The following GRIK2 variants were observed in gnomAD, a reference collection of about 807,000 sequenced individuals.
The protein encoded by GRIK2 is glutamate ionotropic receptor kainate type subunit 2.
GRIK2 carries 32 observed loss-of-function variants against 100.3 expected under a neutral mutation model. The ratio of observed to expected loss-of-function variants is 0.32; its 90% CI spans 0.24 to 0.43. GRIK2 has a LOEUF of 0.43. Among genes scored for constraint, GRIK2 ranks in the 20% least tolerant of loss-of-function variants. The probability of loss-of-function intolerance (pLI) is 1.00; values close to 1 mark genes in which losing one functional copy is unlikely to be tolerated. For synonymous variants in GRIK2, 417 were observed against 389.4 expected, an observed-to-expected ratio of 1.07 and a Z score of -0.83; for missense variants, 843 against 1,114.9, an observed-to-expected ratio of 0.76 and a Z score of 3.47.
In GRIK2 at chr6:101,929,229, C is replaced by A. The variant is rs541995617; in HGVS notation, c.2085+597C>A. Among the ~76,000 whole-genome samples the A allele has an allele frequency of 2.0e-5, 3 of 152,236 alleles. No individual in the cohort carries two copies. The East Asian group carries it at 5.8e-4, about 30-fold the overall frequency. On this transcript the variant is annotated intron_variant, in intron 14 of 16. Transcript: ENST00000369134. ...AAGTGTGCTTGTAAAAAGTTTCTGTCATATAGAGTGCCTTGCCCTCGTCTA... is the reference window on the plus strand; with the variant it reads ...AAGTGTGCTTGTAAAAAGTTTCTGTAATATAGAGTGCCTTGCCCTCGTCTA...
At chr6:101,400,946 A>G (rs527564746) in intron 2 of GRIK2, among the ~76,000 whole-genome samples, 7 of 152,212 alleles carry the variant, frequency 4.6e-5, no homozygotes, top group Non-Finnish European at 1.0e-4. Flanking sequence ...TTCTGTGGAC[A>G]GGATTAAACA....
At chr6:101,722,325 T>C (rs909240906) in intron 7 of GRIK2, among the ~76,000 whole-genome samples, 4 of 151,998 alleles carry the variant, frequency 2.6e-5, no homozygotes, top group Non-Finnish European at 5.9e-5. Context: ...AACAAAAAAA[T>C]TTCTGTAATT....
chr6:102,048,513 A>G (rs1049245635), intron 15 of GRIK2, among the ~76,000 whole-genome samples: 1 of 152,140 alleles, frequency 6.6e-6, no homozygotes, highest in Non-Finnish European at 1.5e-5. Context: ...CTGAATAGCA[A>G]GAAAAAATTA....
At chr6:101,634,801 A>G (rs1421305287) in intron 4 of GRIK2, among the ~76,000 whole-genome samples, 1 of 151,984 alleles carries the variant, frequency 6.6e-6, no homozygotes. Flanking sequence ...AGGAAAAAAA[A>G]AAGCCAAAGC....
chr6:101,519,153 C>T (rs1233309723), intron 2 of GRIK2, among the ~76,000 whole-genome samples: 2 of 152,060 alleles, frequency 1.3e-5, no homozygotes, highest in Non-Finnish European at 2.9e-5. Context: ...CATTTCCTTA[C>T]TACAATTTCG....
At chr6:101,498,719 GT>G (rs1363722810) in intron 2 of GRIK2, among the ~76,000 whole-genome samples, 3 of 151,754 alleles carry the variant, frequency 2.0e-5, no homozygotes, top group Non-Finnish European at 2.9e-5. Flanking sequence ...GGGGTTGTTT[GT>G]TTTTTTCTTG....
chr6:101,886,311 A>C (rs1256947522), intron 11 of GRIK2, among the ~76,000 whole-genome samples: 1 of 152,120 alleles, frequency 6.6e-6, no homozygotes, highest in Non-Finnish European at 1.5e-5. Context: ...ATTCCATTGT[A>C]TGGATGTAAT....
chr6:101,470,695 C>T (rs1771901925), intron 2 of GRIK2, among the ~76,000 whole-genome samples: 3 of 152,134 alleles, frequency 2.0e-5, no homozygotes, highest in Admixed American at 2.0e-4. Context: ...GAGTCTTTGT[C>T]CTCAGTCTGT....
At chr6:101,546,917 G>A (rs796085751) in intron 2 of GRIK2, among the ~76,000 whole-genome samples, 3 of 124,832 alleles carry the variant, frequency 2.4e-5, no homozygotes, top group African/African-American at 9.0e-5. Context: ...TGCAAGCTCC[G>A]CCTCCCGGGT....
intron 14 of GRIK2, among the ~76,000 whole-genome samples, chr6:101,968,760 G>T (rs1792856593): frequency 7.8e-6 from 1 of 127,844 alleles, no homozygotes. Flanking sequence ...TTCTCTGAGG[G>T]GAAAAAATCA....
At chr6:101,626,747 AT>A in intron 4 of GRIK2, 110 bp downstream of exon 4, 2 of 936,184 alleles carry the variant, frequency 2.1e-6, no homozygotes, top group Non-Finnish European at 3.2e-6. Flanking sequence ...AGTTTTGAAA[AT>A]TCAGCTAAGG....
rs570851479 is a variant in GRIK2, at chr6:101,833,806, G to GCAATA, written c.1317+15323_1317+15324insCAATA. ...TATTTTGTTTGCTCTATTATATTTA[G>GCAATA]GTATATTCACTAGTGACTGCTCAAT... On this transcript the variant is annotated intron_variant, in intron 10 of 16. Coordinates refer to ENST00000369134, the MANE Select transcript of GRIK2 (RefSeq NM_021956.5). 1.3e-3 allele frequency among the ~76,000 whole-genome samples: 193 copies of GCAATA among 151,922 alleles called. 1 individual carries two copies. Among genetic ancestry groups the GCAATA allele is most frequent in the African/African-American group, 4.3e-3 (180 of 41,478 alleles).
chr6:101,912,663 A>T (rs1350400840), intron 12 of GRIK2, among the ~76,000 whole-genome samples: 1 of 151,476 alleles, frequency 6.6e-6, no homozygotes, highest in African/African-American at 2.4e-5. Flanking sequence ...ACGCCACCTC[A>T]TCTAGTTTCA....
At chr6:101,654,652 T>C (rs142684948) in intron 4 of GRIK2, among the ~76,000 whole-genome samples, 2 of 152,298 alleles carry the variant, frequency 1.3e-5, no homozygotes, top group African/African-American at 4.8e-5. Flanking sequence ...TACTATTGCA[T>C]TGGTTTTCTA....
chr6:101,528,961 T>C (rs939485712), intron 2 of GRIK2, among the ~76,000 whole-genome samples: 6 of 151,382 alleles, frequency 4.0e-5, no homozygotes, highest in Admixed American at 4.0e-4. Context: ...GGTTGAGTGA[T>C]CTTATGGCTT....
intron 1 of GRIK2, among the ~76,000 whole-genome samples, chr6:101,395,590 C>A (rs1774971832): frequency 6.6e-6 from 1 of 152,102 alleles, no homozygotes; most frequent in Non-Finnish European, 1.5e-5. Flanking sequence ...GAATAGGAAA[C>A]TAAAATTGTT....
chr6:101,773,936 T>C (rs889404457), intron 7 of GRIK2, among the ~76,000 whole-genome samples: 1 of 152,192 alleles, frequency 6.6e-6, no homozygotes, highest in African/African-American at 2.4e-5. Flanking sequence ...GAGCACAAGA[T>C]AGAAAGCTAA....
chr6:102,046,315 T>C (rs556327811), intron 15 of GRIK2, among the ~76,000 whole-genome samples: 2 of 152,122 alleles, frequency 1.3e-5, no homozygotes, highest in East Asian at 3.9e-4. Flanking sequence ...GAACTGCACT[T>C]TTGATATTGT....
intron 2 of GRIK2, among the ~76,000 whole-genome samples, chr6:101,447,064 T>C (rs1340401990): frequency 6.7e-6 from 1 of 149,082 alleles, no homozygotes; most frequent in Non-Finnish European, 1.5e-5. Flanking sequence ...TGTGTATATA[T>C]ATATTACAGT....
Sources: allele counts gnomAD v4.1 joint callset (sites outside exome capture counted in the v4.1 genomes callset), GRCh38; gene constraint gnomAD v4.1.1; transcripts MANE v1.5; gene names NCBI Gene and HGNC (gene_info 2026-07-23, HGNC 2026-07-21).